Variants in NAV2 observed in about 807,000 individuals in gnomAD.
NAV2 encodes neuron navigator 2, also known as helicase, APC down-regulated 1.
In NAV2, 54 loss-of-function variants were observed where a neutral mutation model predicts 223.2. That is an observed-to-expected ratio of 0.24 (90% CI 0.19 to 0.30). The LOEUF is 0.30. Among genes scored for constraint, NAV2 ranks in the 10% least tolerant of loss-of-function variants. The probability of loss-of-function intolerance (pLI) is 1.00; values close to 1 mark genes in which losing one functional copy is unlikely to be tolerated. For synonymous variants in NAV2, 1,279 were observed against 1,239.3 expected (o/e 1.03, Z -0.67); for missense variants, 2,806 against 3,147.5 (o/e 0.89, Z 2.60).
rs377704332 is a variant in NAV2, at chr11:20,045,569, G to C, written c.3801G>C (p.Ser1267=). ...SDNESVASCN[S]VKVNPAAQPV... is the part of the protein sequence containing the mutation. ...ACGAGAGTGTGGCTTCCTGTAACTC[G>C]GTGAAAGTGAATCCGGCAGCCCAGC... The change falls in exon 14 of 38, where the codon TCG becomes TCC. Residue 1267 remains serine, a synonymous_variant. Coordinates refer to ENST00000349880, the MANE Select transcript of NAV2 (RefSeq NM_145117.5). The C allele has an allele frequency of 1.2e-6, 2 of 1,614,024 alleles. No homozygotes were observed. Among genetic ancestry groups the C allele is most frequent in the African/African-American group, 1.3e-5 (1 of 74,898 alleles).
chr11:19,932,292 A>AT, intron 6 of NAV2, among the ~76,000 whole-genome samples: 1 of 146,142 alleles, frequency 6.8e-6, no homozygotes, highest in Non-Finnish European at 1.5e-5. Context: ...AGCTGTTTTT[A>AT]AGTCCAACCT....
At chr11:19,762,459 C>A (rs2054834629) in intron 1 of NAV2, among the ~76,000 whole-genome samples, 1 of 152,178 alleles carries the variant, frequency 6.6e-6, no homozygotes, top group Non-Finnish European at 1.5e-5. Flanking sequence ...GCCACACAGG[C>A]TTTCTTCCAG....
intron 11 of NAV2, among the ~76,000 whole-genome samples, chr11:19,985,970 C>A (rs1036802407): frequency 1.2e-4 from 18 of 152,200 alleles, no homozygotes; most frequent in South Asian, 4.2e-4. Context: ...TGCTACAACA[C>A]CCCCACTGGA....
chr11:19,598,256 C>A (rs78021296), intron 1 of NAV2, among the ~76,000 whole-genome samples: 1,811 of 152,288 alleles, frequency 0.012, 38 homozygotes, highest in East Asian at 0.058. Context: ...CAAAGAGAAC[C>A]TGGGGGTGCC....
intron 30 of NAV2, among the ~76,000 whole-genome samples, chr11:20,096,190 G>C (rs2061252193): frequency 6.6e-6 from 1 of 152,212 alleles, no homozygotes; most frequent in African/African-American, 2.4e-5. Flanking sequence ...CCGGTATCCT[G>C]TGCCAACACT....
intron 1 of NAV2, among the ~76,000 whole-genome samples, chr11:19,617,659 G>T (rs185865714): frequency 1.3e-5 from 2 of 152,336 alleles, no homozygotes; most frequent in African/African-American, 4.8e-5. Flanking sequence ...CTTAGGTAAG[G>T]TGGTCCCAGG....
Position 19,713,528 on chromosome 11 carries a change from C to G in NAV2, c.-168C>G. 1 of 1,399,000 alleles carries G rather than the reference C, an allele frequency of 7.1e-7. No individual in the cohort carries two copies. Among genetic ancestry groups the G allele is most frequent in the South Asian group, 1.7e-5 (1 of 57,754 alleles). 86.7% of individuals were successfully genotyped at this position (1,399,000 alleles called of 1,614,324 possible). A position where few individuals can be genotyped will look rare whatever the true frequency, so the allele number is the denominator to read the frequency against. ...TCCCGGCACCCCAAAGGCGCGCTCG[C>G]CCGATTGCTTCGAGTTCCCCGACCT... On this transcript the variant is annotated 5_prime_UTR_variant, in exon 1 of 38. Transcript: ENST00000349880. The surrounding 1 kb of genome is among the most constrained non-coding windows in gnomAD (Gnocchi z 7.2).
intron 1 of NAV2, among the ~76,000 whole-genome samples, chr11:19,774,670 C>T (rs537309015): frequency 6.6e-5 from 10 of 152,264 alleles, no homozygotes; most frequent in African/African-American, 1.7e-4. Context: ...TCAACACCCT[C>T]GGCAAAGCTG....
chr11:19,984,296 G>C (rs767836258), intron 11 of NAV2, 49 bp downstream of exon 11: 13 of 1,606,340 alleles, frequency 8.1e-6, no homozygotes, highest in Admixed American at 1.7e-5. Context: ...TGATCCCAGG[G>C]GGGCCCTGAG....
At chr11:19,624,964 C>T (rs1455247910) in intron 1 of NAV2, among the ~76,000 whole-genome samples, 1 of 152,190 alleles carries the variant, frequency 6.6e-6, no homozygotes, top group Non-Finnish European at 1.5e-5. Context: ...TGTACATACT[C>T]ATGAAGTACA....
At chr11:19,757,728 G>A (rs2054354004) in intron 1 of NAV2, among the ~76,000 whole-genome samples, 1 of 152,176 alleles carries the variant, frequency 6.6e-6, no homozygotes. Flanking sequence ...TATGGTATGT[G>A]CTATACATTG....
chr11:19,753,867 A>C (rs2054034422), intron 1 of NAV2, among the ~76,000 whole-genome samples: 1 of 152,210 alleles, frequency 6.6e-6, no homozygotes. Flanking sequence ...TTTGAGGTTA[A>C]TGCCCATTTT....
intron 1 of NAV2, among the ~76,000 whole-genome samples, chr11:19,404,478 A>T (rs2133340678): frequency 6.6e-6 from 1 of 152,320 alleles, no homozygotes; most frequent in Admixed American, 6.5e-5. Context: ...ATCAGAATTC[A>T]TTGGCCTATG....
chr11:20,044,955 A>T lies in NAV2; in HGVS notation c.3200-13A>T. On this transcript the variant is annotated splice_polypyrimidine_tract_variant and intron_variant, in intron 13 of 37. Coordinates refer to ENST00000349880, the MANE Select transcript of NAV2 (RefSeq NM_145117.5). ...CTTGGCTTGCAGGCTAATCTTGCTG[A>T]TCTCTCTCTTAGGAAAAACAGACGA... The T allele has an allele frequency of 6.3e-7, 1 of 1,589,776 alleles. No individual in the cohort carries two copies. Among genetic ancestry groups the T allele is most frequent in the East Asian group, 2.2e-5 (1 of 44,682 alleles).
chr11:19,482,306 C>G (rs908532660), intron 1 of NAV2, among the ~76,000 whole-genome samples: 2 of 152,108 alleles, frequency 1.3e-5, no homozygotes, highest in African/African-American at 2.4e-5. Flanking sequence ...CTCCATGGAC[C>G]CTTGCTGCTC....
intron 1 of NAV2, among the ~76,000 whole-genome samples, chr11:19,738,625 T>C (rs888526824): frequency 2.6e-5 from 4 of 152,200 alleles, no homozygotes; most frequent in Non-Finnish European, 5.9e-5. Flanking sequence ...GCTTGTTTGC[T>C]AGGGGATACT....
chr11:19,871,159 C>G (rs903470603), intron 4 of NAV2, among the ~76,000 whole-genome samples: 1 of 152,138 alleles, frequency 6.6e-6, no homozygotes, highest in African/African-American at 2.4e-5. Flanking sequence ...TGTTGAACCC[C>G]CATCCTTCCT....
intron 26 of NAV2, 99 bp from the exon 27 acceptor site, chr11:20,090,766 C>A: frequency 7.7e-7 from 1 of 1,298,686 alleles, no homozygotes; most frequent in Non-Finnish European, 1.1e-6. Flanking sequence ...GCTGGTTATT[C>A]ACAGTTACTG....
Position 20,045,623 on chromosome 11 carries a change from C to T in NAV2, c.3855C>T (p.Leu1285=), listed in dbSNP as rs770949027. 1 of 1,614,200 alleles carries T rather than the reference C, an allele frequency of 6.2e-7. No homozygotes were observed. The highest frequency in any genetic ancestry group is 8.5e-7 in the Non-Finnish European group (1 of 1,180,040). Residue 1285 remains leucine, a synonymous_variant, in exon 14 of 38, where the codon CTC becomes CTT. Transcript: ENST00000349880. ...TGTCCAGTCCGGCTCAGACCAGTCT[C>T]CAGCCTGGAGCCAAGTACCCAGATG... ...QPVSSPAQTS[L]QPGAKYPDVA...
Sources: allele counts gnomAD v4.1 joint callset (sites outside exome capture counted in the v4.1 genomes callset), GRCh38; gene constraint gnomAD v4.1.1; non-coding constraint Gnocchi (gnomAD v3.1); transcripts MANE v1.5; gene names NCBI Gene and HGNC (gene_info 2026-07-23, HGNC 2026-07-21).